The following XRN2 variants were observed in gnomAD, a reference collection of about 807,000 sequenced individuals.
XRN2 encodes 5'-3' exoribonuclease 2.
XRN2 carries 44 observed loss-of-function variants against 138.5 expected under a neutral mutation model. That is an observed-to-expected ratio of 0.32 (90% CI 0.25 to 0.41). The LOEUF is 0.41. XRN2 is among the 10% of genes least tolerant of loss of function. The pLI, the probability that XRN2 is intolerant of heterozygous loss-of-function variation, is 1.00. For missense variants in XRN2, 937 were observed against 1,169.3 expected (o/e 0.80, Z 2.90); for synonymous variants, 354 against 369.4 (o/e 0.96, Z 0.48).
chr20:21,328,079 A>G (rs1016902592), intron 3 of XRN2, among the ~76,000 whole-genome samples: 1 of 152,230 alleles, frequency 6.6e-6, no homozygotes, highest in African/African-American at 2.4e-5. Context: ...ACATAAAGAA[A>G]TAGTTTTCTG....
intron 21 of XRN2, among the ~76,000 whole-genome samples, chr20:21,355,772 A>G (rs531541952): frequency 6.6e-6 from 1 of 152,274 alleles, no homozygotes; most frequent in African/African-American, 2.4e-5. Flanking sequence ...TGATACCTAT[A>G]TACAATATGT....
intron 13 of XRN2, among the ~76,000 whole-genome samples, chr20:21,335,582 G>A (rs951900984): frequency 1.3e-5 from 2 of 152,194 alleles, no homozygotes; most frequent in African/African-American, 4.8e-5. Flanking sequence ...GATGTCAAGA[G>A]TTTTTTGCAT....
At chr20:21,366,086 TTA>T (rs1171710451) in intron 26 of XRN2, among the ~76,000 whole-genome samples, 45 of 115,472 alleles carry the variant, frequency 3.9e-4, no homozygotes, top group Non-Finnish European at 6.5e-4. Context: ...TATTTATAGT[TTA>T]TATATATAAC....
chr20:21,335,488 T>C (rs2038273265), intron 13 of XRN2, among the ~76,000 whole-genome samples: 1 of 152,210 alleles, frequency 6.6e-6, no homozygotes, highest in Admixed American at 6.5e-5. Flanking sequence ...TTTTTAAAAC[T>C]TTGGGTGTCA....
intron 24 of XRN2, among the ~76,000 whole-genome samples, chr20:21,362,815 A>G (rs2038652665): frequency 6.6e-6 from 1 of 152,200 alleles, no homozygotes; most frequent in South Asian, 2.1e-4. Context: ...ATCAGATTGT[A>G]GGTAGCAGTT....
rs745949862 is a variant in XRN2 at position 21,326,562 on chromosome 20, A to G, written c.276A>G (p.Val92=). Residue 92 remains valine, a synonymous_variant, in exon 3 of 30, where the codon GTA becomes GTG. Coordinates refer to ENST00000377191, the MANE Select transcript of XRN2 (RefSeq NM_012255.5). ...ACATTGACAGACTTTTCAGTATTGT[A>G]AGACCAAGAAGACTTCTCTACATGG... The part of the protein sequence containing the change: ...FEYIDRLFSI[V]RPRRLLYMAI... 2.0e-5 allele frequency: 33 copies of G among 1,613,954 alleles called. No individual in the cohort carries two copies. Among genetic ancestry groups the G allele is most frequent in the Non-Finnish European group, 2.7e-5 (32 of 1,179,974 alleles).
At chr20:21,361,743 A>G (rs1195602123) in intron 24 of XRN2, among the ~76,000 whole-genome samples, 1 of 152,224 alleles carries the variant, frequency 6.6e-6, no homozygotes, top group Non-Finnish European at 1.5e-5. Context: ...TACCTTTTTG[A>G]GTCTTTGCCT....
chr20:21,331,401 A>T (rs938086390), intron 6 of XRN2, among the ~76,000 whole-genome samples, 160 bp from the exon 7 acceptor site: 290 of 18,052 alleles, frequency 0.016, 3 homozygotes, highest in African/African-American at 0.034. Context: ...GGTGTTTTTC[A>T]CACACACACA....
chr20:21,331,632 A>G lies in XRN2; in HGVS notation c.648A>G (p.Arg216=), dbSNP rs747745067. The change falls in exon 7 of 30, where the codon AGA becomes AGG. Residue 216 remains arginine (R), a splice_region_variant and synonymous_variant. Coordinates refer to ENST00000377191, the MANE Select transcript of XRN2 (RefSeq NM_012255.5). ...TCATGGATTACATTAGAAGGCAAAG[A>G]GGTAAAGCTTACTTACCAATATTTG... ...HKIMDYIRRQ[R]AQPNHDPNTH... 6.2e-7 allele frequency: 1 copy of G among 1,611,452 alleles called. No homozygotes were observed. The highest frequency in any genetic ancestry group is 1.1e-5 in the South Asian group (1 of 90,166).
intron 1 of XRN2, chr20:21,303,771 G>C: frequency 8.6e-7 from 1 of 1,167,674 alleles, no homozygotes; most frequent in Non-Finnish European, 1.1e-6. Flanking sequence ...CCCGCCCACT[G>C]CTTTGTTTCC....
intron 24 of XRN2, among the ~76,000 whole-genome samples, chr20:21,360,166 A>T (rs770878750): frequency 1.5e-4 from 23 of 152,280 alleles, no homozygotes; most frequent in Non-Finnish European, 2.6e-4. Context: ...CCAGTCTGTC[A>T]TCTGGAGGGT....
chr20:21,303,334 G>T lies in XRN2; in HGVS notation c.-65G>T, dbSNP rs1031217218. On this transcript the variant is annotated 5_prime_UTR_variant, in exon 1 of 30. Coordinates refer to ENST00000377191, the MANE Select transcript of XRN2 (RefSeq NM_012255.5). ...GGAGGAAGTGCTGGTGCCCTCTGCC[G>T]CTGCTCCCGTCTCTTTGGTTACGCT... 5 of 1,525,684 alleles carry T rather than the reference G, an allele frequency of 3.3e-6. No individual in the cohort carries two copies. The highest frequency in any genetic ancestry group is 2.8e-5 in the African/African-American group (2 of 70,772). The allele number at this position is 1,525,684 out of a possible 1,614,324, so 94.5% of individuals were successfully genotyped here.
intron 20 of XRN2, among the ~76,000 whole-genome samples, chr20:21,350,805 G>A (rs1397568753): frequency 6.6e-6 from 1 of 152,084 alleles, no homozygotes; most frequent in Non-Finnish European, 1.5e-5. Context: ...CTTTGGAGTT[G>A]ACTTGATTTA....
chr20:21,316,721 G>A (rs2037963781), intron 1 of XRN2, among the ~76,000 whole-genome samples: 1 of 152,174 alleles, frequency 6.6e-6, no homozygotes, highest in Admixed American at 6.5e-5. Context: ...CAATCAGTTT[G>A]GGGAGTATTG....
intron 1 of XRN2, among the ~76,000 whole-genome samples, chr20:21,317,788 A>G (rs2037980767): frequency 6.6e-6 from 1 of 152,190 alleles, no homozygotes; most frequent in Non-Finnish European, 1.5e-5. Flanking sequence ...TTTCCTGAAT[A>G]TTTTTGATCC....
rs771812667 is a variant in XRN2 at position 21,386,871 on chromosome 20, C to T, written c.2652C>T (p.Gly884=). ...PLFQQQRFDR[G]VGAEPLLPWN... ...TAAAACTGGTACTTTCCTACAGAGG[C>T]GTTGGGGCTGAACCTCTGCTCCCAT... The change falls in exon 29 of 30, where the codon GGC becomes GGT. Residue 884 remains glycine (G), a synonymous_variant. Transcript: ENST00000377191. 12 of 1,610,774 alleles carry T rather than the reference C, an allele frequency of 7.4e-6. No individual in the cohort carries two copies. Among genetic ancestry groups the T allele is most frequent in the African/African-American group, 2.7e-5 (2 of 74,860 alleles).
intron 15 of XRN2, 138 bp downstream of exon 15, chr20:21,340,990 GT>G: frequency 2.2e-6 from 2 of 909,738 alleles, no homozygotes; most frequent in Non-Finnish European, 3.3e-6. Flanking sequence ...CTTGAGAAAT[GT>G]TTAGTTCTGT....
rs1331635467 is a variant in XRN2, at chr20:21,386,953, C to G, written c.2734C>G (p.Leu912Val). The G allele has an allele frequency of 1.2e-6, 2 of 1,613,964 alleles. No individual in the cohort carries two copies. Among genetic ancestry groups the G allele is most frequent in the Non-Finnish European group, 1.7e-6 (2 of 1,179,814 alleles). ...CTTCCAGCCAAACCAGTACCAGATG[C>G]TAGCTGGGCCTGGTGGGTATCCACC... ...AAFQPNQYQM[L>V]AGPGGYPPRR... Residue 912 changes from leucine (L) to valine (V), a missense_variant, in exon 29 of 30, where the codon CTA becomes GTA. Around this residue, in one of 6 missense-constraint regions of XRN2, gnomAD observed 372 missense variants for 414.4 expected, o/e 0.90. Coordinates refer to ENST00000377191, the MANE Select transcript of XRN2 (RefSeq NM_012255.5).
intron 1 of XRN2, among the ~76,000 whole-genome samples, chr20:21,308,248 A>G (rs1373103264): frequency 6.6e-6 from 1 of 152,196 alleles, no homozygotes; most frequent in African/African-American, 2.4e-5. Context: ...TTATTTATTC[A>G]GATGATTGAT....
Sources: gnomAD v4.1 joint callset for allele counts (sites outside exome capture counted in the v4.1 genomes callset) on GRCh38, gnomAD v4.1.1 for gene constraint, gnomAD v4.1.1 regional missense constraint, MANE v1.5 for transcripts, NCBI Gene and HGNC (gene_info 2026-07-23, HGNC 2026-07-21) for gene names.